ESR2: variants seen among roughly 807,000 people sequenced by gnomAD.
ESR2 encodes the protein estrogen receptor beta.
ESR2 carries 36 observed loss-of-function variants against 49.6 expected under a neutral mutation model. That is an observed-to-expected ratio of 0.73 (90% confidence interval 0.56 to 0.96). ESR2 has a LOEUF of 0.96. Ranked by LOEUF, ESR2 falls within the 40% of genes least tolerant of loss-of-function variation. The probability of loss-of-function intolerance (pLI) is 0.00; values close to 1 mark genes in which losing one functional copy is unlikely to be tolerated. For missense variants in ESR2, 714 were observed against 693.0 expected, an observed-to-expected ratio of 1.03 and a Z score of -0.34; for synonymous variants, 320 against 266.1, an observed-to-expected ratio of 1.20 and a Z score of -1.97.
At chr14:64,288,541 G>T (rs2076818757) in intron 1 of ESR2, among the ~76,000 whole-genome samples, 1 of 151,558 alleles carries the variant, frequency 6.6e-6, no homozygotes, top group African/African-American at 2.4e-5. Flanking sequence ...GTAGAGACGG[G>T]GTTTCACCAT....
intron 1 of ESR2, among the ~76,000 whole-genome samples, chr14:64,289,434 C>T (rs2076834824): frequency 6.6e-6 from 1 of 151,960 alleles, no homozygotes; most frequent in South Asian, 2.1e-4. Flanking sequence ...ATCGCTTGAA[C>T]CTGGGAGGTG....
intron 1 of ESR2, among the ~76,000 whole-genome samples, chr14:64,305,398 C>T (rs1239104259): frequency 3.3e-5 from 5 of 150,256 alleles, no homozygotes; most frequent in Admixed American, 6.6e-5. Flanking sequence ...AGGCCGGGCG[C>T]AGTGGCTCAC....
intron 1 of ESR2, among the ~76,000 whole-genome samples, chr14:64,335,034 A>G (rs2077511340): frequency 6.6e-6 from 1 of 152,254 alleles, no homozygotes; most frequent in African/African-American, 2.4e-5. Flanking sequence ...GGTTTTTCCT[A>G]AAGTAATATA....
intron 7 of ESR2, among the ~76,000 whole-genome samples, chr14:64,235,670 G>C (rs1291260227): frequency 8.5e-5 from 13 of 152,214 alleles, no homozygotes; most frequent in Non-Finnish European, 1.8e-4. Flanking sequence ...TCTCGCTTGA[G>C]TGGCACCTGG....
At chr14:64,288,845 G>C (rs2076823688) in intron 1 of ESR2, among the ~76,000 whole-genome samples, 1 of 151,556 alleles carries the variant, frequency 6.6e-6, no homozygotes, top group Admixed American at 6.6e-5. Flanking sequence ...AATTAGCCGG[G>C]TGTGGCAGCG....
At chr14:64,319,333 A>G (rs2077297787) in intron 1 of ESR2, among the ~76,000 whole-genome samples, 1 of 152,168 alleles carries the variant, frequency 6.6e-6, no homozygotes, top group Non-Finnish European at 1.5e-5. Flanking sequence ...CCTAGAAGAC[A>G]ACGTAGGAGA....
At chr14:64,275,477 C>A (rs1447697379) in intron 3 of ESR2, among the ~76,000 whole-genome samples, 2 of 151,978 alleles carry the variant, frequency 1.3e-5, no homozygotes, top group Non-Finnish European at 2.9e-5. Context: ...CTGAGGTGGG[C>A]TGATCTCCTG....
chr14:64,325,461 G>A (rs761144812), intron 1 of ESR2, among the ~76,000 whole-genome samples: 2 of 152,146 alleles, frequency 1.3e-5, no homozygotes, highest in South Asian at 4.1e-4. Flanking sequence ...GGAGAGTTAG[G>A]CACAGGAGAA....
At position 64,278,035 on chromosome 14, in the gene ESR2, G is replaced by A. The variant is rs546572213; in HGVS notation, c.535+1946C>T. 9.2e-5 allele frequency among the ~76,000 whole-genome samples: 14 copies of A among 151,906 alleles called. No homozygotes were observed. In the South Asian group the frequency reaches 2.7e-3, roughly 29 times the overall value. Reference sequence around the variant, plus strand: ...ATGGTTAGTAGTAATAGGTCCAAACGTTCTTAAGGGGTAAAATCCTAGAAA... The same window carrying A: ...ATGGTTAGTAGTAATAGGTCCAAACATTCTTAAGGGGTAAAATCCTAGAAA... On this transcript the variant is annotated intron_variant, in intron 3 of 8. Transcript: ENST00000341099.
At chr14:64,285,688 C>T (rs1002162107) in intron 1 of ESR2, among the ~76,000 whole-genome samples, 2 of 151,710 alleles carry the variant, frequency 1.3e-5, no homozygotes, top group Admixed American at 6.6e-5. Context: ...GTTAGCCAGG[C>T]GTGGTGGTGC....
chr14:64,297,101 G>C (rs2076966453), upstream of ESR2, among the ~76,000 whole-genome samples: 1 of 152,068 alleles, frequency 6.6e-6, no homozygotes, highest in African/African-American at 2.4e-5. Flanking sequence ...CCTCACCCCT[G>C]ACCTGCCTAA....
chr14:64,274,498 T>TA (rs1056370928), intron 3 of ESR2, among the ~76,000 whole-genome samples: 15 of 152,226 alleles, frequency 9.9e-5, no homozygotes, highest in Non-Finnish European at 2.9e-5. Context: ...ATCTTTTTTT[T>TA]AAAAAAATTA....
chr14:64,290,983 T>A (rs557770352), intron 1 of ESR2, among the ~76,000 whole-genome samples: 10 of 151,446 alleles, frequency 6.6e-5, no homozygotes, highest in Admixed American at 5.9e-4. Flanking sequence ...TGGGAGAGAG[T>A]TCATCAGTCT....
intron 1 of ESR2, among the ~76,000 whole-genome samples, chr14:64,326,172 A>C (rs1596496688): frequency 1.3e-5 from 2 of 152,172 alleles, no homozygotes; most frequent in East Asian, 3.8e-4. Context: ...GAATTTGAAG[A>C]ACACTTCCTC....
intron 1 of ESR2, among the ~76,000 whole-genome samples, chr14:64,300,752 TAAAAAA>T (rs1048802815): frequency 6.7e-6 from 1 of 150,094 alleles, no homozygotes; most frequent in Admixed American, 6.6e-5. Flanking sequence ...ACCTCATCTT[TAAAAAA>T]AAAAATTTTT....
chr14:64,304,610 G>A (rs1228136390), intron 1 of ESR2, among the ~76,000 whole-genome samples: 2 of 152,162 alleles, frequency 1.3e-5, no homozygotes, highest in Non-Finnish European at 2.9e-5. Flanking sequence ...GCTGATGCCT[G>A]TAACCTCCAA....
At chr14:64,267,597 C>T (rs1333717687) in intron 4 of ESR2, among the ~76,000 whole-genome samples, 1 of 151,958 alleles carries the variant, frequency 6.6e-6, no homozygotes, top group African/African-American at 2.4e-5. Context: ...TCAGGGAGGG[C>T]TGGGTACAGT....
intron 7 of ESR2, among the ~76,000 whole-genome samples, chr14:64,243,563 A>C (rs2075785787): frequency 6.6e-6 from 1 of 152,228 alleles, no homozygotes; most frequent in Admixed American, 6.5e-5. Flanking sequence ...GCTGGGATGC[A>C]GTTAAATCAC....
At chr14:64,295,980 G>T (rs1217669117), upstream of ESR2, among the ~76,000 whole-genome samples, 4 of 144,794 alleles carry the variant, frequency 2.8e-5, no homozygotes, top group African/African-American at 1.0e-4. Context: ...GGAGGCGGAG[G>T]TTGCAGTGAG....
Sources: allele counts gnomAD v4.1 joint callset (sites outside exome capture counted in the v4.1 genomes callset), GRCh38; gene constraint gnomAD v4.1.1; transcripts MANE v1.5; gene names NCBI Gene and HGNC (gene_info 2026-07-23, HGNC 2026-07-21).